Variants in ZNF599 observed in about 807,000 individuals in gnomAD.
ZNF599 encodes zinc finger protein 599.
ZNF599 carries 10 observed loss-of-function variants against 11.7 expected under a neutral mutation model. The ratio of observed to expected loss-of-function variants is 0.86; its 90% CI spans 0.53 to 1.45. The LOEUF (loss-of-function observed/expected upper bound fraction) is 1.45, where lower values mean the gene tolerates loss of function less well. Ranked by LOEUF, ZNF599 falls within the 40% of genes most tolerant of loss-of-function variation. ZNF599 has a pLI of 0.00. For synonymous variants in ZNF599, 232 were observed against 253.2 expected, an observed-to-expected ratio of 0.92 and a Z score of 0.79; for missense variants, 688 against 713.6, an observed-to-expected ratio of 0.96 and a Z score of 0.41.
At chr19:34,764,700 A>T (rs936196223) in intron 3 of ZNF599, 1 of 152,238 alleles carries the variant, frequency 6.6e-6, no homozygotes, top group Non-Finnish European at 1.5e-5. Flanking sequence ...AAACTAATGT[A>T]TGGTGATATA....
chr19:34,794,473 G>A, the ZNF599 span, among the ~76,000 whole-genome samples: 1 of 152,086 alleles, frequency 6.6e-6, no homozygotes, highest in Non-Finnish European at 1.5e-5. Flanking sequence ...ATACTGTTTT[G>A]ATCAGCGGGG....
the ZNF599 span, among the ~76,000 whole-genome samples, chr19:34,790,743 T>C: frequency 2.2e-4 from 33 of 152,254 alleles, no homozygotes; most frequent in East Asian, 6.0e-3. Context: ...ATTGCTAAAA[T>C]AGTAGATTTT....
At chr19:34,765,066 G>C (rs2145456152) in intron 3 of ZNF599, 1 of 151,714 alleles carries the variant, frequency 6.6e-6, no homozygotes, top group East Asian at 1.9e-4. Context: ...GTCTCCCCCA[G>C]GTATCAGAAA....
At chr19:34,802,858 C>T in the ZNF599 span, among the ~76,000 whole-genome samples, 1 of 152,172 alleles carries the variant, frequency 6.6e-6, no homozygotes, top group African/African-American at 2.4e-5. Flanking sequence ...AGAATAGTAC[C>T]TGGATAATGC....
chr19:34,764,065 G>C (rs2069127996), intron 3 of ZNF599: 1 of 152,248 alleles, frequency 6.6e-6, no homozygotes, highest in African/African-American at 2.4e-5. Context: ...CTAGGCGACA[G>C]AGTGAGATCC....
chr19:34,806,766 G>A, the ZNF599 span, among the ~76,000 whole-genome samples: 1 of 152,072 alleles, frequency 6.6e-6, no homozygotes. Context: ...CTTGCCCAAG[G>A]GACTCTCCAA....
chr19:34,774,315 G>A (rs1267908772), upstream of ZNF599, among the ~76,000 whole-genome samples: 1 of 152,120 alleles, frequency 6.6e-6, no homozygotes, highest in Non-Finnish European at 1.5e-5. Flanking sequence ...CCCCAGGGAA[G>A]CCAGAACCAG....
the ZNF599 span, among the ~76,000 whole-genome samples, chr19:34,781,028 C>T: frequency 3.3e-5 from 5 of 152,044 alleles, no homozygotes; most frequent in South Asian, 2.1e-4. Context: ...CGGTGGCGGG[C>T]ACCTGTAGTC....
At chr19:34,777,204 T>A (rs1400753981), upstream of ZNF599, among the ~76,000 whole-genome samples, 1 of 143,684 alleles carries the variant, frequency 7.0e-6, no homozygotes, top group Admixed American at 7.2e-5. Flanking sequence ...CAAAACATGA[T>A]CAATTTTTAA....
chr19:34,784,033 G>C, the ZNF599 span, among the ~76,000 whole-genome samples: 1 of 152,266 alleles, frequency 6.6e-6, no homozygotes, highest in African/African-American at 2.4e-5. Flanking sequence ...CATCTCCCAG[G>C]GTTGCTGAAT....
chr19:34,761,935 A>G lies in ZNF599; in HGVS notation c.242-1376T>C, dbSNP rs189922826. Among the ~76,000 whole-genome samples, 3 of 152,286 alleles carry G rather than the reference A, an allele frequency of 2.0e-5. No individual in the cohort carries two copies. The East Asian group carries it at 5.8e-4, about 29-fold the overall frequency. On this transcript the variant is annotated intron_variant, in intron 3 of 3. Coordinates refer to ENST00000329285, the MANE Select transcript of ZNF599 (RefSeq NM_001007248.3). ...TCAATTTGACTAGAGTAAATATAAT[A>G]AACAAAAAAGCAAACAAATAAAAAA...
chr19:34,791,878 C>T, the ZNF599 span: 14 of 152,198 alleles, frequency 9.2e-5, no homozygotes, highest in African/African-American at 3.4e-4. Context: ...GCTCATTTTC[C>T]ATCAGGTAGC....
At chr19:34,802,534 C>T in the ZNF599 span, among the ~76,000 whole-genome samples, 1 of 152,178 alleles carries the variant, frequency 6.6e-6, no homozygotes, top group Non-Finnish European at 1.5e-5. Flanking sequence ...TGTTGGAGAA[C>T]ACTGTGAGAG....
At chr19:34,806,836 C>T in the ZNF599 span, among the ~76,000 whole-genome samples, 1 of 152,152 alleles carries the variant, frequency 6.6e-6, no homozygotes, top group Non-Finnish European at 1.5e-5. Context: ...AAAATCTCTC[C>T]CTCAAATCTA....
the ZNF599 span, among the ~76,000 whole-genome samples, chr19:34,801,506 A>G: frequency 9.9e-5 from 15 of 152,274 alleles, no homozygotes; most frequent in Non-Finnish European, 5.9e-5. Context: ...CCTTTCCCCA[A>G]TTTGGACTCT....
chr19:34,791,401 C>T, the ZNF599 span, among the ~76,000 whole-genome samples: 2 of 152,184 alleles, frequency 1.3e-5, no homozygotes, highest in Non-Finnish European at 2.9e-5. Context: ...GAGCTCCTTG[C>T]TAACCTGTGT....
At chr19:34,765,507 G>A in intron 3 of ZNF599, 1 of 697,126 alleles carries the variant, frequency 1.4e-6, no homozygotes. Flanking sequence ...TCAGCTGCAG[G>A]GTTTGTGGTA....
chr19:34,760,978 A>C (rs144804404), intron 3 of ZNF599, among the ~76,000 whole-genome samples: 16 of 152,328 alleles, frequency 1.1e-4, no homozygotes, highest in African/African-American at 2.6e-4. Context: ...CACCAAGAAA[A>C]GGTGAGCTAC....
the ZNF599 span, among the ~76,000 whole-genome samples, chr19:34,791,658 A>G: frequency 6.6e-6 from 1 of 152,204 alleles, no homozygotes; most frequent in Admixed American, 6.5e-5. Flanking sequence ...CTCCCCCAGT[A>G]GCAGGGAAGT....
Sources: gnomAD v4.1 joint callset for allele counts (sites outside exome capture counted in the v4.1 genomes callset) on GRCh38, gnomAD v4.1.1 for gene constraint, MANE v1.5 for transcripts, NCBI Gene and HGNC (gene_info 2026-07-23, HGNC 2026-07-21) for gene names.